Variants in TEX36 observed in about 807,000 individuals in gnomAD.
The protein encoded by TEX36 is testis-expressed protein 36.
In TEX36, 12 loss-of-function variants were observed where a neutral mutation model predicts 13.6. The ratio of observed to expected loss-of-function variants is 0.88; its 90% CI spans 0.56 to 1.43. The LOEUF (loss-of-function observed/expected upper bound fraction) is 1.43. Ranked by LOEUF, TEX36 falls within the 40% of genes most tolerant of loss-of-function variation. The probability of loss-of-function intolerance (pLI) is 0.00; values close to 1 mark genes in which losing one functional copy is unlikely to be tolerated. For synonymous variants in TEX36, 93 were observed against 83.0 expected (o/e 1.12, Z -0.65); for missense variants, 224 against 228.3 (o/e 0.98, Z 0.12).
intron 3 of TEX36, among the ~76,000 whole-genome samples, chr10:125,625,255 C>A (rs879372740): frequency 6.6e-6 from 1 of 152,200 alleles, no homozygotes; most frequent in Non-Finnish European, 1.5e-5. Flanking sequence ...AGCCCAATTC[C>A]AGGCCCAGCA....
intron 3 of TEX36, among the ~76,000 whole-genome samples, chr10:125,590,380 T>G (rs1478354886): frequency 6.6e-6 from 1 of 152,120 alleles, no homozygotes; most frequent in Non-Finnish European, 1.5e-5. Flanking sequence ...CCTCCCAAAG[T>G]GCTGGGATAA....
intron 3 of TEX36, among the ~76,000 whole-genome samples, chr10:125,627,569 A>T (rs1565178061): frequency 1.3e-5 from 2 of 151,822 alleles, no homozygotes; most frequent in Non-Finnish European, 2.9e-5. Context: ...ATTCTAAAAC[A>T]ATCCTGATCT....
Position 125,666,925 on chromosome 10 carries a change from T to C in TEX36, c.52-4948A>G, listed in dbSNP as rs7090469. 3,588 of 572,104 alleles carry C rather than the reference T, an allele frequency of 6.3e-3. 92 individuals carry two copies. Among genetic ancestry groups the C allele is most frequent in the African/African-American group, 0.059 (3,096 of 52,712 alleles). The allele number at this position is 572,104 out of a possible 1,614,324, so 35.4% of individuals were successfully genotyped here. A position where few individuals can be genotyped will look rare whatever the true frequency, so the allele number is the denominator to read the frequency against. On this transcript the variant is annotated intron_variant, in intron 1 of 3. Coordinates refer to ENST00000368821, the MANE Select transcript of TEX36 (RefSeq NM_001128202.3). ...AGGGACTCTCTAGCAGCAGCCCCAGTCTCACTGCTTGGGGTGTACTTTCCT... is the reference window on the plus strand; with the variant it reads ...AGGGACTCTCTAGCAGCAGCCCCAGCCTCACTGCTTGGGGTGTACTTTCCT...
intron 1 of TEX36, among the ~76,000 whole-genome samples, chr10:125,679,897 G>A (rs543375393): frequency 2.6e-5 from 4 of 151,888 alleles, no homozygotes; most frequent in East Asian, 1.9e-4. Context: ...GCTTCCTGTC[G>A]CACTCCCCAA....
exon 4 of TEX36, chr10:125,576,570 C>T: frequency 1.2e-6 from 1 of 850,890 alleles, no homozygotes; most frequent in Non-Finnish European, 1.8e-6. Context: ...CCCACACAGG[C>T]AAGCAGAATA....
intron 3 of TEX36, among the ~76,000 whole-genome samples, chr10:125,596,386 G>A (rs577204443): frequency 6.6e-6 from 1 of 152,106 alleles, no homozygotes; most frequent in South Asian, 2.1e-4. Flanking sequence ...GAAGAGGGAG[G>A]GAGAGAAAGA....
intron 3 of TEX36, among the ~76,000 whole-genome samples, chr10:125,586,768 G>A (rs1341257168): frequency 6.6e-6 from 1 of 151,476 alleles, no homozygotes; most frequent in Admixed American, 6.6e-5. Flanking sequence ...TCCAGTCTGG[G>A]CTCCAAAATG....
intron 2 of TEX36, among the ~76,000 whole-genome samples, chr10:125,661,571 G>C (rs1847043206): frequency 6.6e-6 from 1 of 152,164 alleles, no homozygotes. Context: ...GGAATTGGCC[G>C]GGGAGGCAGG....
chr10:125,605,332 G>A (rs551899646), intron 3 of TEX36, among the ~76,000 whole-genome samples: 2 of 152,152 alleles, frequency 1.3e-5, no homozygotes, highest in South Asian at 2.1e-4. Flanking sequence ...TCCACACGCA[G>A]CATAGTGCAG....
In TEX36 at chr10:125,613,527, G is replaced by A. The variant is rs553426530; in HGVS notation, c.265-36653C>T. ...TTCTCACCTATGAGTTAGAATATGCGGTGTTTGGTTTTTTGTTCTTGCGAT... is the reference window on the plus strand; with the variant it reads ...TTCTCACCTATGAGTTAGAATATGCAGTGTTTGGTTTTTTGTTCTTGCGAT... On this transcript the variant is annotated intron_variant, in intron 3 of 3. Transcript: ENST00000532135. Among the ~76,000 whole-genome samples, 624 of 144,476 alleles carry A rather than the reference G, an allele frequency of 4.3e-3. 7 individuals carry two copies. Among genetic ancestry groups the A allele is most frequent in the African/African-American group, 0.015 (600 of 38,744 alleles). The allele number at this position is 144,476 out of a possible 152,430, so 94.8% of individuals were successfully genotyped here. A position where few individuals can be genotyped will look rare whatever the true frequency, so the allele number is the denominator to read the frequency against.
chr10:125,681,513 G>A (rs1364802130), intron 1 of TEX36, among the ~76,000 whole-genome samples: 1 of 152,186 alleles, frequency 6.6e-6, no homozygotes, highest in African/African-American at 2.4e-5. Context: ...GGAACTCAGA[G>A]TCAAATGTGG....
At chr10:125,660,717 C>G (rs77166613) in intron 3 of TEX36, among the ~76,000 whole-genome samples, 6,862 of 152,294 alleles carry the variant, frequency 0.045, 185 homozygotes, top group Middle Eastern at 0.078. Context: ...AGCAGTCCCT[C>G]CTTCCCATGG....
At chr10:125,621,714 G>A (rs1565176501) in intron 3 of TEX36, 2 of 454,216 alleles carry the variant, frequency 4.4e-6, no homozygotes, top group Non-Finnish European at 8.9e-6. Flanking sequence ...GAAGCCAACA[G>A]TGTAGCCTTC....
At chr10:125,647,277 A>T (rs1232720150) in intron 3 of TEX36, among the ~76,000 whole-genome samples, 1 of 152,218 alleles carries the variant, frequency 6.6e-6, no homozygotes. Context: ...CCTCAGCAAG[A>T]CATGAAATCC....
intron 3 of TEX36, among the ~76,000 whole-genome samples, chr10:125,601,630 A>T (rs557492381): frequency 9.8e-5 from 15 of 152,356 alleles, no homozygotes; most frequent in African/African-American, 3.6e-4. Flanking sequence ...TGGGGAGAAG[A>T]TGGTGCACAC....
downstream of TEX36, among the ~76,000 whole-genome samples, chr10:125,617,126 T>C (rs925962288): frequency 1.6e-4 from 25 of 152,024 alleles, no homozygotes; most frequent in Non-Finnish European, 2.8e-4. Context: ...TTTTTTTGTT[T>C]TCCATTTGCT....
chr10:125,665,236 C>G (rs919014507), intron 1 of TEX36, among the ~76,000 whole-genome samples: 3 of 152,098 alleles, frequency 2.0e-5, no homozygotes, highest in African/African-American at 7.2e-5. Flanking sequence ...TGTGCAGAAG[C>G]TTTTTGATTT....
exon 4 of TEX36, chr10:125,576,683 A>T (rs1272824789): frequency 1.3e-6 from 2 of 1,520,168 alleles, no homozygotes; most frequent in Middle Eastern, 2.3e-4. Flanking sequence ...TTTTCTTCCC[A>T]ACTAATACAC....
intron 1 of TEX36, among the ~76,000 whole-genome samples, chr10:125,664,529 G>C (rs939002020): frequency 6.6e-6 from 1 of 152,158 alleles, no homozygotes; most frequent in South Asian, 2.1e-4. Flanking sequence ...GAGGTGATTG[G>C]ATCATGGGGG....
Sources: allele counts gnomAD v4.1 joint callset (sites outside exome capture counted in the v4.1 genomes callset), GRCh38; gene constraint gnomAD v4.1.1; transcripts MANE v1.5; gene names NCBI Gene and HGNC (gene_info 2026-07-23, HGNC 2026-07-21).